Variants in DYNC2H1 observed in about 807,000 individuals in gnomAD.
DYNC2H1 encodes the protein cytoplasmic dynein 2 heavy chain 1.
DYNC2H1 carries 410 observed loss-of-function variants against 570.0 expected under a neutral mutation model. The ratio of observed to expected loss-of-function variants is 0.72; its 90% CI spans 0.66 to 0.78. DYNC2H1 has a LOEUF of 0.78. DYNC2H1 is among the 30% of genes least tolerant of loss of function. DYNC2H1 has a pLI of 0.00. For missense variants in DYNC2H1, 4,865 were observed against 5,046.4 expected, an observed-to-expected ratio of 0.96 and a Z score of 1.09; for synonymous variants, 1,688 against 1,677.6, an observed-to-expected ratio of 1.01 and a Z score of -0.15.
chr11:103,373,356 T>G (rs1474311631), intron 83 of DYNC2H1, among the ~76,000 whole-genome samples: 1 of 152,244 alleles, frequency 6.6e-6, no homozygotes, highest in Non-Finnish European at 1.5e-5. Context: ...ATACTTTGTA[T>G]TTCTGTGATA....
At position 103,168,925 on chromosome 11, in the gene DYNC2H1, G is replaced by A; in HGVS notation, c.4933G>A (p.Val1645Met). 2 of 1,612,116 alleles carry A rather than the reference G, an allele frequency of 1.2e-6. No homozygotes were observed. The highest frequency in any genetic ancestry group is 2.2e-5 in the East Asian group (1 of 44,666). ...KSDHTCCVQM[V>M]DSEFQYTYEY... ...TGATCATACATGTTGTGTTCAAATG[G>A]TGGATTCTGAATTTCAGTATACTTA... The change falls in exon 32 of 89, where the codon GTG (valine) becomes ATG (methionine). Residue 1645 changes from valine (V) to methionine (M), a missense_variant. Around this residue, in one of 5 missense-constraint regions of DYNC2H1, gnomAD observed 1,936 missense variants for 1,962.1 expected, o/e 0.99. Coordinates refer to ENST00000375735, the MANE Select transcript of DYNC2H1 (RefSeq NM_001377.3).
At chr11:103,229,739 A>C (rs1217041160) in intron 59 of DYNC2H1, among the ~76,000 whole-genome samples, 2 of 152,006 alleles carry the variant, frequency 1.3e-5, no homozygotes, top group Non-Finnish European at 2.9e-5. Flanking sequence ...TCCTTCCTTT[A>C]GTTCTTCAGG....
At chr11:103,475,593 T>C (rs539908834) in intron 88 of DYNC2H1, among the ~76,000 whole-genome samples, 1 of 152,298 alleles carries the variant, frequency 6.6e-6, no homozygotes, top group East Asian at 1.9e-4. Context: ...AGAAGTAACA[T>C]TTACCACTGA....
intron 52 of DYNC2H1, among the ~76,000 whole-genome samples, chr11:103,206,213 A>G (rs1862917470): frequency 6.6e-6 from 1 of 152,188 alleles, no homozygotes; most frequent in Non-Finnish European, 1.5e-5. Flanking sequence ...GTGAGGGGTC[A>G]ATGATCCTTC....
intron 24 of DYNC2H1, 27 bp from the exon 25 acceptor site, chr11:103,155,304 A>T (rs1200070362): frequency 3.9e-6 from 6 of 1,520,320 alleles, no homozygotes; most frequent in Non-Finnish European, 5.2e-6. Flanking sequence ...TATACATATG[A>T]CTTTTTCTTT....
chr11:103,479,196 G>C lies in DYNC2H1; in HGVS notation c.12867G>C (p.Gly4289=). 1 of 1,613,718 alleles carries C rather than the reference G, an allele frequency of 6.2e-7. No individual in the cohort carries two copies. The highest frequency in any genetic ancestry group is 1.1e-5 in the South Asian group (1 of 91,080). ...TTACCAATATTGATGTTCCATGTGG[G>C]GGCAACCAAGACCAGTGGATTCAGT... is the stretch of plus-strand genomic sequence containing the variant. ...RVVTNIDVPC[G]GNQDQWIQCG... is the part of the protein sequence containing the mutation. Residue 4289 remains glycine, a synonymous_variant, in exon 89 of 89, where the codon GGG becomes GGC. Transcript: ENST00000375735.
chr11:103,204,746 GA>G lies in DYNC2H1; in HGVS notation c.8312-75del. 2 of 1,127,082 alleles carry G rather than the reference GA, an allele frequency of 1.8e-6. No individual in the cohort carries two copies. The highest frequency in any genetic ancestry group is 3.5e-5 in the South Asian group (2 of 56,542). The allele number at this position is 1,127,082 out of a possible 1,614,324, so 69.8% of individuals were successfully genotyped here. A position where few individuals can be genotyped will look rare whatever the true frequency, so the allele number is the denominator to read the frequency against. On this transcript the variant is annotated intron_variant, in intron 51 of 88. Transcript: ENST00000375735. The surrounding 1 kb of genome is among the most constrained non-coding windows in gnomAD (Gnocchi z 4.1). ...AGAAACAACTCCTACTATTTCATTT[GA>G]GAAAATTTTGATCTCTTTAACCCAG...
chr11:103,283,042 C>G lies in DYNC2H1; in HGVS notation c.10847C>G (p.Ser3616Cys). 6.2e-7 allele frequency: 1 copy of G among 1,608,834 alleles called. No individual in the cohort carries two copies. Residue 3616 changes from serine (S) to cysteine (C), a missense_variant, in exon 73 of 89, where the codon TCT becomes TGT. Transcript: ENST00000375735. ...SQQKIRDQLP[S>C]WIDQERSWAV... is the part of the protein sequence containing the mutation. ...CAAAAAATACGTGATCAGCTTCCGT[C>G]TTGGATAGATCAGGAACGAAGCTGG...
intron 62 of DYNC2H1, among the ~76,000 whole-genome samples, chr11:103,236,204 GA>G (rs1367174233): frequency 1.3e-5 from 2 of 151,900 alleles, no homozygotes; most frequent in East Asian, 3.8e-4. Context: ...TTTAGTTTGT[GA>G]AACAGTCACT....
rs1427441874 is a variant in DYNC2H1 at position 103,217,242 on chromosome 11, G to A, written c.8832+1384G>A. Among the ~76,000 whole-genome samples, 4 of 17,942 alleles carry A rather than the reference G, an allele frequency of 2.2e-4. 2 individuals carry two copies. Among genetic ancestry groups the A allele is most frequent in the African/African-American group, 4.8e-4 (2 of 4,150 alleles). The allele number at this position is 17,942 out of a possible 152,430, so 11.8% of individuals were successfully genotyped here. On this transcript the variant is annotated intron_variant, in intron 55 of 88. Transcript: ENST00000375735. ...TTTTTTTTTTTTGAGACGGAGTCTC[G>A]CTCTGTCGCCCAGGCCGGACTGCGG...
At chr11:103,422,777 A>C (rs1943532051) in intron 84 of DYNC2H1, among the ~76,000 whole-genome samples, 1 of 152,222 alleles carries the variant, frequency 6.6e-6, no homozygotes, top group Non-Finnish European at 1.5e-5. Context: ...AAACTGGCAC[A>C]AGACAAGGAT....
chr11:103,436,863 A>T (rs1349582651), intron 85 of DYNC2H1, among the ~76,000 whole-genome samples: 1 of 152,108 alleles, frequency 6.6e-6, no homozygotes, highest in Non-Finnish European at 1.5e-5. Flanking sequence ...TATTTGTGGC[A>T]CATAACTATA....
At chr11:103,312,632 A>T (rs1464322766) in intron 79 of DYNC2H1, among the ~76,000 whole-genome samples, 1 of 151,122 alleles carries the variant, frequency 6.6e-6, no homozygotes, top group Admixed American at 6.6e-5. Context: ...AATTTGGCTC[A>T]TGACTTAAAT....
intron 83 of DYNC2H1, among the ~76,000 whole-genome samples, chr11:103,382,965 C>T (rs1941717424): frequency 1.3e-5 from 2 of 152,196 alleles, no homozygotes; most frequent in Non-Finnish European, 2.9e-5. Flanking sequence ...CAGGAAGCAG[C>T]TACCTCCCCT....
intron 81 of DYNC2H1, among the ~76,000 whole-genome samples, chr11:103,322,326 G>T (rs1373384434): frequency 6.6e-6 from 1 of 152,058 alleles, no homozygotes; most frequent in African/African-American, 2.4e-5. Context: ...AGCTTACATT[G>T]AAAAATACAA....
chr11:103,216,881 T>A (rs895983407), intron 55 of DYNC2H1, among the ~76,000 whole-genome samples: 1 of 152,188 alleles, frequency 6.6e-6, no homozygotes, highest in Non-Finnish European at 1.5e-5. Context: ...ACTGAACTTA[T>A]GAGTTTTCTT....
Position 103,236,089 on chromosome 11 carries a change from A to G in DYNC2H1, c.9709+276A>G, listed in dbSNP as rs148911315. ...TTATTTTTGATATTGCATAGATGCA[A>G]TTAAACATTATGTTACTTTTATTTT... On this transcript the variant is annotated intron_variant, in intron 62 of 88. Coordinates refer to ENST00000375735, the MANE Select transcript of DYNC2H1 (RefSeq NM_001377.3). 1.1e-3 allele frequency among the ~76,000 whole-genome samples: 160 copies of G among 152,110 alleles called. 3 individuals carry two copies. The highest frequency in any genetic ancestry group is 3.7e-3 in the African/African-American group (153 of 41,568).
chr11:103,436,087 T>C (rs1591754503), intron 85 of DYNC2H1, 55 bp downstream of exon 85: 2 of 1,486,892 alleles, frequency 1.3e-6, no homozygotes, highest in East Asian at 4.6e-5. Flanking sequence ...TATTGTATTA[T>C]AGAGATAACC....
intron 83 of DYNC2H1, among the ~76,000 whole-genome samples, chr11:103,377,847 A>G (rs1047442578): frequency 7.9e-5 from 12 of 152,272 alleles, no homozygotes; most frequent in East Asian, 7.7e-4. Context: ...AGCAATTCTC[A>G]TGCTTCAGCC....
Sources: gnomAD v4.1 joint callset for allele counts (sites outside exome capture counted in the v4.1 genomes callset) on GRCh38, gnomAD v4.1.1 for gene constraint, gnomAD v4.1.1 regional missense constraint, Gnocchi (gnomAD v3.1) non-coding constraint, MANE v1.5 for transcripts, NCBI Gene and HGNC (gene_info 2026-07-23, HGNC 2026-07-21) for gene names.